PCDHA7: variants seen among roughly 807,000 people sequenced by gnomAD.
The protein encoded by PCDHA7 is protocadherin alpha 7.
Under a neutral mutation model 57.2 loss-of-function variants are expected in PCDHA7, and 37 were observed. The observed-to-expected ratio is 0.65, with a 90% CI of 0.50 to 0.85. PCDHA7 has a LOEUF of 0.85. Ranked by LOEUF, PCDHA7 falls within the 40% of genes least tolerant of loss-of-function variation. PCDHA7 has a pLI of 0.00. For missense variants in PCDHA7, 1,188 were observed against 1,241.8 expected (o/e 0.96, Z 0.65); for synonymous variants, 553 against 558.8 (o/e 0.99, Z 0.15).
At chr5:140,881,191 T>C (rs564115136) in intron 1 of PCDHA7, 2 of 170,408 alleles carry the variant, frequency 1.2e-5, no homozygotes, top group African/African-American at 4.8e-5. Context: ...AAAGATATGT[T>C]AACATCTTTG....
intron 3 of PCDHA7, among the ~76,000 whole-genome samples, chr5:140,989,698 A>G (rs145222021): frequency 6.6e-6 from 1 of 152,344 alleles, no homozygotes; most frequent in African/African-American, 2.4e-5. Flanking sequence ...TGAAAATTTT[A>G]TCTTCAGAGG....
intron 1 of PCDHA7, among the ~76,000 whole-genome samples, chr5:140,959,151 C>CAG (rs782425604): frequency 2.0e-4 from 30 of 152,084 alleles, no homozygotes; most frequent in African/African-American, 7.0e-4. Context: ...CCAAAGTGGG[C>CAG]AGATTGCTTG....
intron 1 of PCDHA7, chr5:140,862,219 T>C: frequency 4.8e-6 from 1 of 206,310 alleles, no homozygotes; most frequent in Non-Finnish European, 9.9e-6. Flanking sequence ...ACAGACTTGA[T>C]AGAAGTCTTG....
chr5:140,873,225 A>G (rs1476513279), intron 1 of PCDHA7, among the ~76,000 whole-genome samples: 2 of 152,224 alleles, frequency 1.3e-5, no homozygotes, highest in African/African-American at 2.4e-5. Context: ...AGAGAAGGCA[A>G]CAATATAAAA....
chr5:140,843,463 G>T, intron 1 of PCDHA7: 1 of 1,596,032 alleles, frequency 6.3e-7, no homozygotes, highest in Non-Finnish European at 8.6e-7. Flanking sequence ...TGGTGCTCAC[G>T]CTGCTGCTGT....
Position 140,835,666 on chromosome 5 carries a change from G to T in PCDHA7, c.1283G>T (p.Arg428Leu). Residue 428 changes from arginine (R) to leucine (L), a missense_variant, in exon 1 of 4, where the codon CGG (arginine) becomes CTG (leucine). Coordinates refer to ENST00000525929, the MANE Select transcript of PCDHA7 (RefSeq NM_018910.3). ...VSAYELVVTA[R>L]DGGSPSLWAT... ...GCCTATGAGCTGGTGGTTACCGCGC[G>T]GGACGGGGGCTCGCCTTCTCTGTGG... The T allele has an allele frequency of 6.2e-7, 1 of 1,613,936 alleles. No individual in the cohort carries two copies. The highest frequency in any genetic ancestry group is 8.5e-7 in the Non-Finnish European group (1 of 1,179,880).
chr5:140,869,191 C>CA (rs1554162609), intron 1 of PCDHA7: 1 of 1,613,878 alleles, frequency 6.2e-7, no homozygotes, highest in East Asian at 2.2e-5. Flanking sequence ...GGGGAGCGGC[C>CA]AGCTCCACTA....
intron 1 of PCDHA7, chr5:140,930,393 CTT>C (rs879960332): frequency 4.1e-5 from 6 of 145,282 alleles, no homozygotes; most frequent in Admixed American, 6.9e-5. Flanking sequence ...TTCAAAACTT[CTT>C]TTTTTTTTTT....
At chr5:140,943,796 C>T (rs2093568961) in intron 1 of PCDHA7, among the ~76,000 whole-genome samples, 1 of 152,032 alleles carries the variant, frequency 6.6e-6, no homozygotes, top group Non-Finnish European at 1.5e-5. Flanking sequence ...TTATGCAAAG[C>T]AAAAGAGGAA....
chr5:140,970,405 C>T (rs1361647284), intron 1 of PCDHA7, among the ~76,000 whole-genome samples: 1 of 152,120 alleles, frequency 6.6e-6, no homozygotes, highest in Non-Finnish European at 1.5e-5. Flanking sequence ...GATGGCTTAC[C>T]CTACAGTAAG....
intron 1 of PCDHA7, chr5:140,865,693 C>T (rs1274401482): frequency 6.6e-6 from 1 of 152,076 alleles, no homozygotes; most frequent in South Asian, 2.1e-4. Context: ...TATGACTGTT[C>T]CAATTTGAAA....
intron 3 of PCDHA7, among the ~76,000 whole-genome samples, chr5:140,995,010 T>A (rs1382186138): frequency 6.6e-6 from 1 of 152,156 alleles, no homozygotes; most frequent in Non-Finnish European, 1.5e-5. Context: ...TTGTTTATAT[T>A]TAGGAAAGAA....
At chr5:140,954,968 G>T (rs531304394) in intron 1 of PCDHA7, among the ~76,000 whole-genome samples, 4 of 152,200 alleles carry the variant, frequency 2.6e-5, no homozygotes, top group African/African-American at 9.6e-5. Context: ...TAAGGAAAGG[G>T]TCCAGTTTCA....
At chr5:140,905,298 T>A (rs1171619023) in intron 1 of PCDHA7, among the ~76,000 whole-genome samples, 2 of 152,218 alleles carry the variant, frequency 1.3e-5, no homozygotes, top group African/African-American at 2.4e-5. Context: ...TAAGGTGTCC[T>A]TTCCACACTT....
At chr5:140,986,437 G>A (rs1554248053) in intron 3 of PCDHA7, among the ~76,000 whole-genome samples, 2 of 152,182 alleles carry the variant, frequency 1.3e-5, no homozygotes, top group Admixed American at 6.5e-5. Flanking sequence ...GAGTACTAAT[G>A]CCCTGAAGAG....
intron 1 of PCDHA7, 114 bp downstream of exon 1, chr5:140,836,852 AT>A: frequency 2.5e-6 from 2 of 810,938 alleles, no homozygotes; most frequent in Non-Finnish European, 3.8e-6. Flanking sequence ...TATAATTATT[AT>A]TTTTTAATGT....
intron 1 of PCDHA7, among the ~76,000 whole-genome samples, chr5:140,937,039 C>CT (rs34994034): frequency 0.49 from 69,094 of 140,108 alleles, 17,193 homozygotes; most frequent in East Asian, 0.59. Flanking sequence ...TTCCATTTAT[C>CT]TTTTTTTTTT....
At chr5:140,845,550 G>C (rs185907796) in intron 1 of PCDHA7, among the ~76,000 whole-genome samples, 1 of 149,478 alleles carries the variant, frequency 6.7e-6, no homozygotes, top group East Asian at 1.9e-4. Flanking sequence ...TTATGGTGAT[G>C]CTTTTAGCTA....
At chr5:140,995,491 AG>A (rs1467871177) in intron 3 of PCDHA7, among the ~76,000 whole-genome samples, 5 of 152,224 alleles carry the variant, frequency 3.3e-5, no homozygotes, top group Non-Finnish European at 5.9e-5. Context: ...TTTCAGACTA[AG>A]GTTGACTGTG....
Sources: allele counts gnomAD v4.1 joint callset (sites outside exome capture counted in the v4.1 genomes callset), GRCh38; gene constraint gnomAD v4.1.1; transcripts MANE v1.5; gene names NCBI Gene and HGNC (gene_info 2026-07-23, HGNC 2026-07-21).